The following SH3TC1 variants were observed in gnomAD, a reference collection of about 807,000 sequenced individuals.
The protein encoded by SH3TC1 is SH3 domain and tetratricopeptide repeat-containing protein 1.
Under a neutral mutation model 117.3 loss-of-function variants are expected in SH3TC1, and 135 were observed. The ratio of observed to expected loss-of-function variants is 1.15; its 90% confidence interval spans 1.00 to 1.33. SH3TC1 has a LOEUF of 1.33. Among genes scored for constraint, SH3TC1 ranks in the 40% most tolerant of loss-of-function variants. SH3TC1 has a pLI of 0.00. For missense variants in SH3TC1, 2,092 were observed against 1,794.3 expected, an observed-to-expected ratio of 1.17 and a Z score of -3.00; for synonymous variants, 898 against 816.9, an observed-to-expected ratio of 1.10 and a Z score of -1.69.
intron 1 of SH3TC1, among the ~76,000 whole-genome samples, chr4:8,201,083 G>A (rs1056961396): frequency 2.0e-5 from 3 of 152,170 alleles, no homozygotes; most frequent in East Asian, 1.9e-4. Flanking sequence ...CCAACCCTCC[G>A]GAGGTGCTTG....
At chr4:8,214,098 T>TGGGGCTGGGGCCACTC (rs1718994589) in intron 4 of SH3TC1, among the ~76,000 whole-genome samples, 1 of 150,162 alleles carries the variant, frequency 6.7e-6, no homozygotes, top group African/African-American at 2.5e-5. Flanking sequence ...ATGCTGCAGG[T>TGGGGCTGGGGCCACTC]GGGGCTGGGG....
chr4:8,218,866 C>T (rs1030524279), intron 8 of SH3TC1, among the ~76,000 whole-genome samples: 2 of 152,200 alleles, frequency 1.3e-5, no homozygotes, highest in African/African-American at 4.8e-5. Flanking sequence ...GCGCTTTGTG[C>T]TCTGTGGCAA....
intron 3 of SH3TC1, among the ~76,000 whole-genome samples, chr4:8,212,314 C>T (rs962395231): frequency 4.6e-5 from 7 of 150,764 alleles, no homozygotes; most frequent in East Asian, 1.9e-4. Context: ...GTCCTGTGCC[C>T]GCAAGTTCCA....
At position 8,208,809 on chromosome 4, in the gene SH3TC1, C is replaced by G. The variant is rs142729937; in HGVS notation, c.173-939C>G. Among the ~76,000 whole-genome samples, 508 of 152,342 alleles carry G rather than the reference C, an allele frequency of 3.3e-3. 2 individuals are homozygous for G. The highest frequency in any genetic ancestry group is 0.012 in the African/African-American group (489 of 41,570). ...ATGCGGGTGTGAAGTGAACACCGTC[C>G]CAATGCAAGGCCCAAGACCACTGTG... On this transcript the variant is annotated intron_variant, in intron 2 of 17. Transcript: ENST00000245105.
chr4:8,220,389 G>GC (rs891442210), intron 9 of SH3TC1, among the ~76,000 whole-genome samples: 9 of 152,014 alleles, frequency 5.9e-5, no homozygotes, highest in Non-Finnish European at 1.2e-4. Flanking sequence ...GGCTCCTCTG[G>GC]GGGGGGCACT....
At chr4:8,239,854 C>T (rs779666412) in intron 17 of SH3TC1, among the ~76,000 whole-genome samples, 2 of 152,228 alleles carry the variant, frequency 1.3e-5, no homozygotes, top group Non-Finnish European at 2.9e-5. Flanking sequence ...AGCCATGCAC[C>T]CGGCACAGAG....
At position 8,227,842 on chromosome 4, in the gene SH3TC1, C is replaced by T; in HGVS notation, c.2148C>T (p.Ile716=). ...LSDCYLLLAD[I]YSRKCLPHLV... is the part of the protein sequence containing the mutation. The stretch of plus-strand genomic sequence containing the variant: ...ACTGCTACCTACTCCTGGCTGACAT[C>T]TACAGCCGCAAGTGCCTGCCCCACC... The change falls in exon 12 of 18, where the codon ATC becomes ATT. Residue 716 remains isoleucine (I), a synonymous_variant. Transcript: ENST00000245105. The T allele has an allele frequency of 1.1e-5, 17 of 1,612,808 alleles. No homozygotes were observed. Among genetic ancestry groups the T allele is most frequent in the Non-Finnish European group, 1.4e-5 (17 of 1,179,976 alleles).
At position 8,216,996 on chromosome 4, in the gene SH3TC1, T is replaced by G. The variant is rs767774793; in HGVS notation, c.668T>G (p.Val223Gly). ...CTGTGTCCTGACCACCATGTGAGAGTGATGACGGGTCCCCGGGATGCAGGA... is the reference window on the plus strand; with the variant it reads ...CTGTGTCCTGACCACCATGTGAGAGGGATGACGGGTCCCCGGGATGCAGGA... ...FVLCPDHHVR[V>G]MTGPRDAGNG... Residue 223 changes from valine to glycine, a missense_variant, in exon 7 of 18, where the codon GTG becomes GGG. Physicochemically the swap from Val to Gly is moderately radical, Grantham distance 109. Transcript: ENST00000245105. 17 of 1,613,660 alleles carry G rather than the reference T, an allele frequency of 1.1e-5. No individual in the cohort carries two copies. In the East Asian group the frequency reaches 3.3e-4, roughly 32 times the overall value.
chr4:8,196,331 G>A (rs558388006), upstream of SH3TC1, among the ~76,000 whole-genome samples: 7 of 152,220 alleles, frequency 4.6e-5, no homozygotes, highest in African/African-American at 1.2e-4. This position sits in a 1 kb window ranked among gnomAD's most constrained non-coding sequence, Gnocchi z 4.6. Flanking sequence ...GAGAAGACTC[G>A]CTGAGCAGGG....
chr4:8,216,295 T>C, intron 6 of SH3TC1, 38 bp downstream of exon 6: 1 of 1,599,988 alleles, frequency 6.3e-7, no homozygotes, highest in Non-Finnish European at 8.5e-7. Context: ...GATCCAGCTG[T>C]GCGGGGCACT....
Position 8,209,508 on chromosome 4 carries a change from G to A in SH3TC1, c.173-240G>A, listed in dbSNP as rs1360620314. The A allele has an allele frequency of 9.1e-6, 7 of 772,958 alleles. No individual in the cohort carries two copies. The highest frequency in any genetic ancestry group is 4.7e-5 in the Admixed American group (2 of 42,642). 47.9% of individuals were successfully genotyped at this position (772,958 alleles called of 1,614,324 possible). A position where few individuals can be genotyped will look rare whatever the true frequency, so the allele number is the denominator to read the frequency against. On this transcript the variant is annotated intron_variant, in intron 2 of 17. Coordinates refer to ENST00000245105, the MANE Select transcript of SH3TC1 (RefSeq NM_018986.5). This position sits in a 1 kb window ranked among gnomAD's most constrained non-coding sequence, Gnocchi z 5.9. ...ACTTGAGAGCGGCGGGATCATACGA[G>A]TCGTGTGGTCTTAAGCCTCTGAGTG... is the stretch of plus-strand genomic sequence containing the variant.
In SH3TC1 at chr4:8,214,458, T is replaced by C; in HGVS notation, c.376-17T>C. ...AGCTCCTGGGGACCTCTCGAATTCC[T>C]ATTTCTTTCTCTTAAGGAATTATCA... is the stretch of plus-strand genomic sequence containing the variant. On this transcript the variant is annotated splice_polypyrimidine_tract_variant and intron_variant, in intron 4 of 17. Coordinates refer to ENST00000245105, the MANE Select transcript of SH3TC1 (RefSeq NM_018986.5). 1.2e-6 allele frequency: 2 copies of C among 1,612,168 alleles called. No individual in the cohort carries two copies. The highest frequency in any genetic ancestry group is 1.1e-5 in the South Asian group (1 of 91,050).
At position 8,227,576 on chromosome 4, in the gene SH3TC1, A is replaced by G. The variant is rs1720614816; in HGVS notation, c.1882A>G (p.Met628Val). The G allele has an allele frequency of 6.6e-7, 1 of 1,521,310 alleles. No homozygotes were observed. The allele number at this position is 1,521,310 out of a possible 1,614,324, so 94.2% of individuals were successfully genotyped here. A position where few individuals can be genotyped will look rare whatever the true frequency, so the allele number is the denominator to read the frequency against. ...GTGTGCACAGGTGGTGCCCAAAGCCATGGCCCTGCTCCTGGGGACGCCTGA... is the reference window on the plus strand; with the variant it reads ...GTGTGCACAGGTGGTGCCCAAAGCCGTGGCCCTGCTCCTGGGGACGCCTGA... ...EKCAQVVPKA[M>V]ALLLGTPDHI... Residue 628 changes from methionine (M) to valine (V), a missense_variant, in exon 12 of 18, where the codon ATG becomes GTG. Transcript: ENST00000245105.
rs1248903131 is a variant in SH3TC1 at position 8,233,495 on chromosome 4, G to A, written c.3264G>A (p.Leu1088=). 1.9e-6 allele frequency: 3 copies of A among 1,611,750 alleles called. No homozygotes were observed. The highest frequency in any genetic ancestry group is 2.5e-6 in the Non-Finnish European group (3 of 1,178,970). Reference sequence around the variant, plus strand: ...ATTACATCTTGCGGCAGAGCGAGCTGGTGGACCTCTACATCCAGGTGAGTG... The same window carrying A: ...ATTACATCTTGCGGCAGAGCGAGCTAGTGGACCTCTACATCCAGGTGAGTG... ...KIYYILRQSE[L]VDLYIQVAQN... is the part of the protein sequence containing the mutation. The change falls in exon 14 of 18, where the codon CTG becomes CTA. Residue 1088 remains leucine (L), a synonymous_variant. Transcript: ENST00000245105.
chr4:8,190,349 G>T lies in SH3TC1; in HGVS notation c.-57+8139G>T, dbSNP rs1717379119. Among the ~76,000 whole-genome samples, 1 of 152,192 alleles carries T rather than the reference G, an allele frequency of 6.6e-6. No individual in the cohort carries two copies. The highest frequency in any genetic ancestry group is 1.5e-5 in the Non-Finnish European group (1 of 68,042). ...TAATGACTGTGTAAGCCAAGGTCAGGATCAACCCCCATCACTGGGCTCTGC... is the reference window on the plus strand; with the variant it reads ...TAATGACTGTGTAAGCCAAGGTCAGTATCAACCCCCATCACTGGGCTCTGC... On this transcript the variant is annotated intron_variant, in intron 1 of 16. Coordinates refer to the SH3TC1 transcript ENST00000508641. This position sits in a 1 kb window ranked among gnomAD's most constrained non-coding sequence, Gnocchi z 4.7.
At chr4:8,203,202 G>A (rs1011730077) in intron 1 of SH3TC1, among the ~76,000 whole-genome samples, 2 of 152,208 alleles carry the variant, frequency 1.3e-5, no homozygotes, top group Non-Finnish European at 2.9e-5. Context: ...GGAGGTGCTC[G>A]TGGGTGGGAA....
At chr4:8,224,941 C>G in intron 10 of SH3TC1, 1 of 520,338 alleles carries the variant, frequency 1.9e-6, no homozygotes, top group South Asian at 2.8e-5. Flanking sequence ...GCCTCTCCCT[C>G]AGGTGTCAGC....
In SH3TC1 at chr4:8,209,733, C is replaced by A; in HGVS notation, c.173-15C>A. ...GCTTGGTCTCCCCTAATCCTGGGAA[C>A]CTGCTGTGTTGCAGACGAGGCTCCT... On this transcript the variant is annotated splice_polypyrimidine_tract_variant and intron_variant, in intron 2 of 17. Transcript: ENST00000245105. The surrounding 1 kb of genome is among the most constrained non-coding windows in gnomAD (Gnocchi z 5.9). 1 of 1,613,762 alleles carries A rather than the reference C, an allele frequency of 6.2e-7. No individual in the cohort carries two copies. Among genetic ancestry groups the A allele is most frequent in the Non-Finnish European group, 8.5e-7 (1 of 1,179,990 alleles).
intron 1 of SH3TC1, among the ~76,000 whole-genome samples, chr4:8,193,260 G>GA (rs1717470216): frequency 6.6e-6 from 1 of 152,234 alleles, no homozygotes; most frequent in African/African-American, 2.4e-5. Context: ...CGAAAGTGGG[G>GA]AGAGTATGGG....
Sources: gnomAD v4.1 joint callset for allele counts (sites outside exome capture counted in the v4.1 genomes callset) on GRCh38, gnomAD v4.1.1 for gene constraint, Gnocchi (gnomAD v3.1) non-coding constraint, MANE v1.5 for transcripts, NCBI Gene and HGNC (gene_info 2026-07-23, HGNC 2026-07-21) for gene names.